MACROD2: variants seen among roughly 807,000 people sequenced by gnomAD.
MACROD2 encodes ADP-ribose glycohydrolase MACROD2.
A neutral mutation model predicts 70.4 loss-of-function variants in MACROD2; 36 were observed. The ratio of observed to expected loss-of-function variants is 0.51; its 90% CI spans 0.39 to 0.68. The LOEUF (loss-of-function observed/expected upper bound fraction) is 0.68, where lower values mean the gene tolerates loss of function less well. Ranked by LOEUF, MACROD2 falls within the 30% of genes least tolerant of loss-of-function variation. MACROD2 has a pLI of 0.00. For missense variants in MACROD2, 496 were observed against 538.4 expected (o/e 0.92, Z 0.78); for synonymous variants, 172 against 178.8 (o/e 0.96, Z 0.30).
chr20:14,029,417 CAAAAT>C (rs2053220396), intron 2 of MACROD2, among the ~76,000 whole-genome samples: 1 of 152,032 alleles, frequency 6.6e-6, no homozygotes, highest in Non-Finnish European at 1.5e-5. Context: ...CTAGCCTAGT[CAAAAT>C]ACTTTTTATT....
At chr20:14,261,653 A>C (rs2122314490) in intron 3 of MACROD2, among the ~76,000 whole-genome samples, 1 of 152,342 alleles carries the variant, frequency 6.6e-6, no homozygotes, top group South Asian at 2.1e-4. Flanking sequence ...TTGAATGAGA[A>C]CGTTATATAT....
chr20:14,764,242 G>C lies in MACROD2; in HGVS notation c.418+79283G>C, dbSNP rs145206859. ...GAGGCTGTATTCCTCCAGGACTATG[G>C]TCCTGTCCAGAGTCCCCTCCTTCAT... On this transcript the variant is annotated intron_variant, in intron 5 of 17. Coordinates refer to ENST00000684519, the MANE Select transcript of MACROD2 (RefSeq NM_001351661.2). Among the ~76,000 whole-genome samples, 987 of 152,118 alleles carry C rather than the reference G, an allele frequency of 6.5e-3. 21 individuals are homozygous for C. The highest frequency in any genetic ancestry group is 0.023 in the African/African-American group (939 of 41,440).
At chr20:14,020,776 T>C (rs2053065639) in intron 2 of MACROD2, among the ~76,000 whole-genome samples, 1 of 152,188 alleles carries the variant, frequency 6.6e-6, no homozygotes, top group South Asian at 2.1e-4. Context: ...TCTGTTCCTT[T>C]AGTGTGTGTT....
intron 9 of MACROD2, among the ~76,000 whole-genome samples, chr20:15,882,539 T>C (rs2147203475): frequency 6.6e-6 from 1 of 152,150 alleles, no homozygotes; most frequent in South Asian, 2.1e-4. Flanking sequence ...GGGGCTACTG[T>C]TTCTAGATAG....
At chr20:14,065,941 A>T (rs976396080) in intron 2 of MACROD2, among the ~76,000 whole-genome samples, 2 of 152,132 alleles carry the variant, frequency 1.3e-5, no homozygotes, top group Non-Finnish European at 2.9e-5. Flanking sequence ...TTGGACTGCC[A>T]TCCACTAGTT....
chr20:15,340,568 A>G (rs2078100236), intron 6 of MACROD2, among the ~76,000 whole-genome samples: 1 of 152,142 alleles, frequency 6.6e-6, no homozygotes, highest in African/African-American at 2.4e-5. Flanking sequence ...GCAACAGGTA[A>G]TTACTTGGTG....
rs923696367 is a variant in MACROD2 at position 14,913,556 on chromosome 20, A to G, written c.418+228597A>G. 1.6e-4 allele frequency among the ~76,000 whole-genome samples: 24 copies of G among 152,196 alleles called. 1 individual carries two copies. The South Asian group carries it at 2.1e-3, about 13-fold the overall frequency. On this transcript the variant is annotated intron_variant, in intron 5 of 17. Coordinates refer to ENST00000684519, the MANE Select transcript of MACROD2 (RefSeq NM_001351661.2). ...TAAAAAATTAGCCAGGTGTGGTGAC[A>G]CATGCCTGTAGTCCCAGCAACTCAT...
intron 5 of MACROD2, among the ~76,000 whole-genome samples, chr20:14,803,423 G>A (rs892146365): frequency 6.6e-6 from 1 of 152,064 alleles, no homozygotes; most frequent in South Asian, 2.1e-4. Context: ...AGATGACTAT[G>A]TGTAAATTAA....
At chr20:15,284,739 G>A (rs921643255) in intron 6 of MACROD2, among the ~76,000 whole-genome samples, 4 of 152,150 alleles carry the variant, frequency 2.6e-5, no homozygotes, top group African/African-American at 9.7e-5. Context: ...AACGAAGTAA[G>A]GAGATAAGTG....
At chr20:15,444,294 G>C (rs1384971453) in intron 7 of MACROD2, among the ~76,000 whole-genome samples, 1 of 152,152 alleles carries the variant, frequency 6.6e-6, no homozygotes, top group African/African-American at 2.4e-5. Context: ...CATTTTGTCT[G>C]TTCATTCAGG....
At chr20:16,034,289 G>T (rs139855988) in intron 15 of MACROD2, among the ~76,000 whole-genome samples, 1 of 152,128 alleles carries the variant, frequency 6.6e-6, no homozygotes, top group Non-Finnish European at 1.5e-5. Context: ...GTGTACCGTG[G>T]ACTCAGCTTC....
chr20:14,720,645 C>T (rs969446879), intron 5 of MACROD2, among the ~76,000 whole-genome samples: 4 of 141,630 alleles, frequency 2.8e-5, no homozygotes, highest in African/African-American at 1.0e-4. Context: ...CCTCTGACTC[C>T]CTGGTTCAAG....
At chr20:15,224,851 T>C (rs1270092751) in intron 5 of MACROD2, among the ~76,000 whole-genome samples, 2 of 151,516 alleles carry the variant, frequency 1.3e-5, no homozygotes. Context: ...TCCCAGCTAC[T>C]GAAGAGGCTG....
At chr20:14,662,979 T>C (rs1315643899) in intron 4 of MACROD2, among the ~76,000 whole-genome samples, 2 of 152,202 alleles carry the variant, frequency 1.3e-5, no homozygotes, top group African/African-American at 4.8e-5. Flanking sequence ...ATCCCATTAC[T>C]GGGCATATAC....
intron 5 of MACROD2, among the ~76,000 whole-genome samples, chr20:15,180,320 T>A (rs998851428): frequency 1.3e-5 from 2 of 152,236 alleles, no homozygotes; most frequent in Non-Finnish European, 2.9e-5. Context: ...TCCGTTTAGC[T>A]TTTTGCTCAG....
At chr20:15,129,293 G>A (rs2076088679) in intron 5 of MACROD2, among the ~76,000 whole-genome samples, 1 of 151,846 alleles carries the variant, frequency 6.6e-6, no homozygotes, top group South Asian at 2.1e-4. Flanking sequence ...TATTGTTTAG[G>A]GAGACTTCAT....
rs929622409 is a variant in MACROD2, at chr20:14,374,290, T to A, written c.272-119189T>A. On this transcript the variant is annotated intron_variant, in intron 3 of 17. Transcript: ENST00000684519. ...AAAAGCCTCAGTACAAATGACCCGATGACCTTAATTCCCAGGAAACTGTCA... is the reference window on the plus strand; with the variant it reads ...AAAAGCCTCAGTACAAATGACCCGAAGACCTTAATTCCCAGGAAACTGTCA... Among the ~76,000 whole-genome samples the A allele has an allele frequency of 4.6e-5, 7 of 152,172 alleles. No individual in the cohort carries two copies. In the East Asian group the frequency reaches 1.3e-3, roughly 29 times the overall value.
At chr20:14,347,224 A>G (rs373959497) in intron 3 of MACROD2, among the ~76,000 whole-genome samples, 2 of 152,176 alleles carry the variant, frequency 1.3e-5, no homozygotes, top group South Asian at 2.1e-4. Context: ...TAGATTTTGG[A>G]CTCTTTATCA....
At chr20:14,539,698 C>T (rs1365641107) in intron 4 of MACROD2, among the ~76,000 whole-genome samples, 1 of 152,142 alleles carries the variant, frequency 6.6e-6, no homozygotes, top group African/African-American at 2.4e-5. Context: ...GCCATAAATC[C>T]TCTATTTTTG....
Sources: allele counts gnomAD v4.1 joint callset (sites outside exome capture counted in the v4.1 genomes callset), GRCh38; gene constraint gnomAD v4.1.1; transcripts MANE v1.5; gene names NCBI Gene and HGNC (gene_info 2026-07-23, HGNC 2026-07-21).